Variants in RMDN2 observed in about 807,000 individuals in gnomAD.
RMDN2 encodes regulator of microtubule dynamics protein 2.
Under a neutral mutation model 52.8 loss-of-function variants are expected in RMDN2, and 61 were observed. The observed-to-expected ratio is 1.16, with a 90% CI of 0.94 to 1.43. The LOEUF (loss-of-function observed/expected upper bound fraction) is 1.43. Ranked by LOEUF, RMDN2 falls within the 40% of genes most tolerant of loss-of-function variation. The pLI, the probability that RMDN2 is intolerant of heterozygous loss-of-function variation, is 0.00. For missense variants in RMDN2, 592 were observed against 475.3 expected, an observed-to-expected ratio of 1.25 and a Z score of -2.28; for synonymous variants, 180 against 153.1, an observed-to-expected ratio of 1.18 and a Z score of -1.30.
At chr2:37,923,036 G>C (rs1474002638), upstream of RMDN2, among the ~76,000 whole-genome samples, 1 of 152,208 alleles carries the variant, frequency 6.6e-6, no homozygotes, top group Non-Finnish European at 1.5e-5. Context: ...ATGAATAACA[G>C]CAACTCTGAG....
intron 8 of RMDN2, among the ~76,000 whole-genome samples, chr2:38,000,098 G>A (rs953477984): frequency 1.3e-5 from 2 of 152,146 alleles, no homozygotes; most frequent in Non-Finnish European, 2.9e-5. Context: ...GGGAAAATTG[G>A]TCCTCCACAG....
intron 2 of RMDN2, among the ~76,000 whole-genome samples, chr2:37,972,938 A>G (rs898796167): frequency 6.6e-6 from 1 of 152,212 alleles, no homozygotes; most frequent in Non-Finnish European, 1.5e-5. Flanking sequence ...CTTCTTTGTA[A>G]GGCATATGAA....
chr2:37,997,082 C>T (rs187293041), intron 7 of RMDN2, among the ~76,000 whole-genome samples: 2 of 152,168 alleles, frequency 1.3e-5, no homozygotes, highest in Non-Finnish European at 2.9e-5. Context: ...GATGAACAAA[C>T]GGGATCAGCA....
At chr2:37,966,728 A>G (rs988394176) in intron 2 of RMDN2, among the ~76,000 whole-genome samples, 1 of 151,856 alleles carries the variant, frequency 6.6e-6, no homozygotes, top group Non-Finnish European at 1.5e-5. Context: ...GTAAATTTTT[A>G]GTTCAGTTAT....
At chr2:38,029,066 C>A (rs1250183721) in intron 10 of RMDN2, among the ~76,000 whole-genome samples, 1 of 152,126 alleles carries the variant, frequency 6.6e-6, no homozygotes, top group African/African-American at 2.4e-5. Flanking sequence ...AGCAGACTAA[C>A]AGCAATATTT....
In RMDN2 at chr2:37,956,883, C is replaced by G. The variant is rs574707447; in HGVS notation, c.453-17157C>G. Among the ~76,000 whole-genome samples the G allele has an allele frequency of 5.3e-5, 8 of 152,158 alleles. No individual in the cohort carries two copies. The South Asian group carries it at 1.7e-3, about 32-fold the overall frequency. ...ATGTGTTCTCATTGTTCAACTCCCACTTATGAGTGAGAACATGCAGTGTTT... is the reference window on the plus strand; with the variant it reads ...ATGTGTTCTCATTGTTCAACTCCCAGTTATGAGTGAGAACATGCAGTGTTT... On this transcript the variant is annotated intron_variant, in intron 2 of 10. Coordinates refer to ENST00000354545, the MANE Select transcript of RMDN2 (RefSeq NM_001170791.3).
chr2:37,941,196 C>G (rs922367248), intron 2 of RMDN2, among the ~76,000 whole-genome samples: 1 of 152,154 alleles, frequency 6.6e-6, no homozygotes, highest in Non-Finnish European at 1.5e-5. Context: ...CACTGTAGAC[C>G]CTGTTTGCCT....
At chr2:37,933,317 A>T (rs373692386) in intron 2 of RMDN2, among the ~76,000 whole-genome samples, 19,987 of 150,728 alleles carry the variant, frequency 0.13, 1,539 homozygotes, top group Non-Finnish European at 0.18. Context: ...GGCTCCTCAC[A>T]TCCCAGACGA....
intron 3 of RMDN2, among the ~76,000 whole-genome samples, chr2:37,974,433 G>A (rs973487429): frequency 1.3e-5 from 2 of 150,286 alleles, no homozygotes; most frequent in Admixed American, 1.3e-4. Flanking sequence ...AGACTCTAAG[G>A]TCATAAAAAT....
In RMDN2 at chr2:37,992,099, T is replaced by C. The variant is rs181450656; in HGVS notation, c.945+802T>C. On this transcript the variant is annotated intron_variant, in intron 7 of 10. Transcript: ENST00000354545. ...GCATTCTGTCCTTTATATTTCTTGC[T>C]GCATTTCATCCTTAAAACAGTGCTG... Among the ~76,000 whole-genome samples, 147 of 152,360 alleles carry C rather than the reference T, an allele frequency of 9.6e-4. 1 individual carries two copies. Among genetic ancestry groups the C allele is most frequent in the African/African-American group, 3.4e-3 (143 of 41,596 alleles).
At chr2:38,003,561 T>TAGATAGAG (rs1676617715) in intron 8 of RMDN2, among the ~76,000 whole-genome samples, 1 of 148,722 alleles carries the variant, frequency 6.7e-6, no homozygotes, top group South Asian at 2.1e-4. Flanking sequence ...GATAGATAGA[T>TAGATAGAG]AGATAGATAG....
intron 2 of RMDN2, among the ~76,000 whole-genome samples, chr2:37,946,536 A>G (rs868262767): frequency 7.2e-5 from 11 of 152,212 alleles, no homozygotes; most frequent in African/African-American, 2.2e-4. Flanking sequence ...CACATGATAC[A>G]TTATCATGAA....
intron 2 of RMDN2, among the ~76,000 whole-genome samples, chr2:37,942,066 T>G (rs536523094): frequency 8.5e-5 from 13 of 152,180 alleles, no homozygotes; most frequent in Non-Finnish European, 1.9e-4. Flanking sequence ...GTCTGTGGGT[T>G]GTGAAGACCG....
intron 10 of RMDN2, among the ~76,000 whole-genome samples, chr2:38,062,864 G>A (rs183397567): frequency 1.2e-4 from 18 of 149,590 alleles, no homozygotes; most frequent in Admixed American, 7.5e-4. Flanking sequence ...GAGAACATGC[G>A]GTGTTTGGTT....
intron 10 of RMDN2, among the ~76,000 whole-genome samples, chr2:38,046,227 C>T (rs945438763): frequency 2.0e-5 from 3 of 152,158 alleles, no homozygotes; most frequent in Non-Finnish European, 2.9e-5. Context: ...CCTTTGAGTA[C>T]ATATCCCAAC....
intron 10 of RMDN2, among the ~76,000 whole-genome samples, chr2:38,008,235 A>C (rs1238202271): frequency 2.0e-5 from 3 of 152,102 alleles, no homozygotes; most frequent in African/African-American, 4.8e-5. Flanking sequence ...CTTGGTGCAG[A>C]GCTGAGTTCA....
intron 10 of RMDN2, among the ~76,000 whole-genome samples, chr2:38,005,561 C>G (rs1676962252): frequency 6.6e-6 from 1 of 151,938 alleles, no homozygotes; most frequent in East Asian, 1.9e-4. Context: ...TTGTTTTTTT[C>G]TTGTAAATTT....
chr2:38,002,473 GA>G (rs11296416), intron 8 of RMDN2, among the ~76,000 whole-genome samples: 2,897 of 152,012 alleles, frequency 0.019, 88 homozygotes, highest in African/African-American at 0.065. Flanking sequence ...TGTAATATGG[GA>G]AAAAAAGTCT....
At chr2:37,939,646 T>A (rs947476737) in intron 2 of RMDN2, among the ~76,000 whole-genome samples, 8 of 152,206 alleles carry the variant, frequency 5.3e-5, no homozygotes, top group African/African-American at 1.9e-4. Context: ...CATTATGTAA[T>A]GCCCTTCGTC....
Sources: gnomAD v4.1 joint callset for allele counts (sites outside exome capture counted in the v4.1 genomes callset) on GRCh38, gnomAD v4.1.1 for gene constraint, MANE v1.5 for transcripts, NCBI Gene and HGNC (gene_info 2026-07-23, HGNC 2026-07-21) for gene names.